Variants in FHL2 observed in about 807,000 individuals in gnomAD.
FHL2 encodes the protein four and a half LIM domains protein 2.
A neutral mutation model predicts 32.7 loss-of-function variants in FHL2; 20 were observed. The ratio of observed to expected loss-of-function variants is 0.61; its 90% CI spans 0.43 to 0.89. FHL2 has a LOEUF of 0.89. Ranked by LOEUF, FHL2 falls within the 40% of genes least tolerant of loss-of-function variation. FHL2 has a pLI of 0.00. For missense variants in FHL2, 311 were observed against 358.6 expected, an observed-to-expected ratio of 0.87 and a Z score of 1.07; for synonymous variants, 123 against 128.1, an observed-to-expected ratio of 0.96 and a Z score of 0.27.
At chr2:105,432,428 T>C (rs1684467460) in intron 1 of FHL2, among the ~76,000 whole-genome samples, 1 of 152,226 alleles carries the variant, frequency 6.6e-6, no homozygotes, top group Non-Finnish European at 1.5e-5. Flanking sequence ...CATTTGGCCA[T>C]TGGTTCTCTA....
intron 1 of FHL2, among the ~76,000 whole-genome samples, chr2:105,412,536 C>G (rs2104657441): frequency 6.6e-6 from 1 of 152,258 alleles, no homozygotes; most frequent in South Asian, 2.1e-4. Context: ...ATGGTATGAA[C>G]ATAGGGGTCA....
chr2:105,398,554 TC>T (rs1357395493), intron 1 of FHL2, among the ~76,000 whole-genome samples: 4 of 152,142 alleles, frequency 2.6e-5, no homozygotes, highest in Non-Finnish European at 5.9e-5. Flanking sequence ...GCTCGCCCGG[TC>T]CCTGCCCGCA....
intron 4 of FHL2, among the ~76,000 whole-genome samples, chr2:105,369,421 T>A (rs990761410): frequency 1.3e-5 from 2 of 152,216 alleles, no homozygotes; most frequent in Non-Finnish European, 2.9e-5. Flanking sequence ...ATCACGATTG[T>A]TATTTAGGAT....
chr2:105,425,222 A>G (rs1476124317), intron 1 of FHL2, among the ~76,000 whole-genome samples: 1 of 101,102 alleles, frequency 9.9e-6, no homozygotes, highest in Non-Finnish European at 1.9e-5. Context: ...TGTGTTGTAT[A>G]AAATCAAGGT....
At chr2:105,359,154 G>A (rs1025284009), downstream of FHL2, 43 of 152,170 alleles carry the variant, frequency 2.8e-4, no homozygotes, top group African/African-American at 1.0e-3. Flanking sequence ...TAATTTGGAG[G>A]AGAATTAGTC....
chr2:105,430,085 C>A (rs1394394630), intron 1 of FHL2, among the ~76,000 whole-genome samples: 3 of 152,188 alleles, frequency 2.0e-5, no homozygotes, highest in Non-Finnish European at 4.4e-5. Flanking sequence ...CCTTCCTTGA[C>A]AAAATGCAAG....
intron 1 of FHL2, 39 bp downstream of exon 1, chr2:105,398,803 A>G: frequency 7.3e-7 from 1 of 1,373,690 alleles, no homozygotes; most frequent in South Asian, 1.9e-5. Flanking sequence ...CCCCTCTCCC[A>G]GTGGTCTTCC....
intron 1 of FHL2, among the ~76,000 whole-genome samples, chr2:105,404,851 G>T (rs1382475159): frequency 6.6e-6 from 1 of 152,040 alleles, no homozygotes; most frequent in Non-Finnish European, 1.5e-5. Flanking sequence ...ACTATTTGTT[G>T]GATATAAATA....
At chr2:105,399,628 A>G, upstream of FHL2, 1 of 1,513,320 alleles carries the variant, frequency 6.6e-7, no homozygotes, top group Non-Finnish European at 8.8e-7. Context: ...AAGACTAGTT[A>G]GACATCTTGG....
chr2:105,359,077 C>T (rs1052407857), downstream of FHL2: 1 of 152,206 alleles, frequency 6.6e-6, no homozygotes, highest in Admixed American at 6.5e-5. Context: ...CCTCCAATAT[C>T]TGCCTGCTTT....
intron 1 of FHL2, among the ~76,000 whole-genome samples, chr2:105,430,092 C>A (rs1360559282): frequency 6.6e-6 from 1 of 152,172 alleles, no homozygotes; most frequent in Non-Finnish European, 1.5e-5. Context: ...TGACAAAATG[C>A]AAGTGTAGTG....
chr2:105,401,752 A>G (rs7571010), upstream of FHL2, among the ~76,000 whole-genome samples: 91,088 of 151,876 alleles, frequency 0.6, 27,583 homozygotes, highest in Middle Eastern at 0.66. Flanking sequence ...ATGATCTCCA[A>G]GATAAATCAA....
At chr2:105,399,816 T>G (rs567123179), upstream of FHL2, 72 of 513,788 alleles carry the variant, frequency 1.4e-4, no homozygotes, top group Non-Finnish European at 2.3e-4. Context: ...GATGGAAACA[T>G]TTGCTCCTGA....
In FHL2 at chr2:105,373,741, G is replaced by A. The variant is rs781585745; in HGVS notation, c.157-8C>T. 3 of 1,613,484 alleles carry A rather than the reference G, an allele frequency of 1.9e-6. No individual in the cohort carries two copies. The East Asian group carries it at 6.7e-5, about 36-fold the overall frequency. On this transcript the variant is annotated splice_region_variant and splice_polypyrimidine_tract_variant and intron_variant, in intron 3 of 6. Transcript: ENST00000530340. Reference sequence around the variant, plus strand: ...GTCCTTGTAAGACAAGTCCTGTGGGGCCAGACCACACAAGACAGTCAGAGG... The same window carrying A: ...GTCCTTGTAAGACAAGTCCTGTGGGACCAGACCACACAAGACAGTCAGAGG...
chr2:105,399,697 G>C (rs1683392696), upstream of FHL2: 2 of 1,401,262 alleles, frequency 1.4e-6, no homozygotes, highest in Admixed American at 5.2e-5. Flanking sequence ...CACATTCCAA[G>C]CCCGGGCCCT....
Position 105,361,437 on chromosome 2 carries a change from G to C in FHL2, c.689-3C>G. 6.2e-7 allele frequency: 1 copy of C among 1,610,484 alleles called. No individual in the cohort carries two copies. Among genetic ancestry groups the C allele is most frequent in the Non-Finnish European group, 8.5e-7 (1 of 1,178,184 alleles). On this transcript the variant is annotated splice_region_variant and splice_polypyrimidine_tract_variant and intron_variant, in intron 6 of 6. Coordinates refer to ENST00000530340, the MANE Select transcript of FHL2 (RefSeq NM_001318895.3). ...GATGTATTTTGTGCCACCAAGTCCT[G>C]TTAACAGAGAGAAAATAATACCGGA...
chr2:105,421,031 G>T (rs980652311), intron 1 of FHL2, among the ~76,000 whole-genome samples: 4 of 152,206 alleles, frequency 2.6e-5, no homozygotes, highest in Admixed American at 2.6e-4. Context: ...GGGCACTGGG[G>T]TTGTACAGAG....
chr2:105,388,643 T>G, intron 2 of FHL2, among the ~76,000 whole-genome samples: 1 of 147,408 alleles, frequency 6.8e-6, no homozygotes, highest in African/African-American at 2.5e-5. Context: ...GCCAACATGG[T>G]GAAACCCTGT....
chr2:105,360,341 G>A (rs1324316657), downstream of FHL2: 5 of 149,450 alleles, frequency 3.3e-5, no homozygotes, highest in African/African-American at 1.2e-4. Flanking sequence ...TAGCAAGGAA[G>A]AGGTGCCTGG....
Sources: allele counts gnomAD v4.1 joint callset (sites outside exome capture counted in the v4.1 genomes callset), GRCh38; gene constraint gnomAD v4.1.1; transcripts MANE v1.5; gene names NCBI Gene and HGNC (gene_info 2026-07-23, HGNC 2026-07-21).